OTOG: variants seen among roughly 807,000 people sequenced by gnomAD.
OTOG encodes the protein otogelin.
Under a neutral mutation model 313.8 loss-of-function variants are expected in OTOG, and 296 were observed. The observed-to-expected ratio is 0.94, with a 90% CI of 0.86 to 1.04. The LOEUF (loss-of-function observed/expected upper bound fraction) is 1.04. Ranked by LOEUF, OTOG falls within the 50% of genes least tolerant of loss-of-function variation. OTOG has a pLI of 0.00. For synonymous variants in OTOG, 1,533 were observed against 1,554.9 expected, an observed-to-expected ratio of 0.99 and a Z score of 0.33; for missense variants, 3,948 against 3,840.1, an observed-to-expected ratio of 1.03 and a Z score of -0.74.
Position 17,608,321 on chromosome 11 carries a change from C to T in OTOG, c.4182C>T (p.Tyr1394=). ...LLDAKPSGAA[Y]PICEWRYDAC... ...ATGCCAAGCCCTCGGGGGCTGCCTACCCCATCTGCGAGTGGCGCTACGATG... is the reference window on the plus strand; with the variant it reads ...ATGCCAAGCCCTCGGGGGCTGCCTATCCCATCTGCGAGTGGCGCTACGATG... The change falls in exon 34 of 56, where the codon TAC becomes TAT. Residue 1394 remains tyrosine (Y), a synonymous_variant. Coordinates refer to ENST00000399397, the MANE Select transcript of OTOG (RefSeq NM_001292063.2). The T allele has an allele frequency of 1.3e-6, 2 of 1,545,004 alleles. No homozygotes were observed. Among genetic ancestry groups the T allele is most frequent in the African/African-American group, 1.4e-5 (1 of 72,964 alleles).
chr11:17,576,406 C>T (rs1375958063), intron 20 of OTOG, 150 bp from the exon 21 acceptor site: 8 of 669,794 alleles, frequency 1.2e-5, no homozygotes, highest in Non-Finnish European at 1.9e-5. Flanking sequence ...TTTCTGCTCA[C>T]TGGAGATGTG....
intron 23 of OTOG, among the ~76,000 whole-genome samples, chr11:17,579,326 T>G (rs1247185266): frequency 6.6e-6 from 1 of 152,160 alleles, no homozygotes; most frequent in Non-Finnish European, 1.5e-5. Flanking sequence ...CAGTTGGAGC[T>G]TTACTGCTTC....
At chr11:17,595,441 A>G (rs942862137) in intron 28 of OTOG, among the ~76,000 whole-genome samples, 2 of 152,224 alleles carry the variant, frequency 1.3e-5, no homozygotes, top group Non-Finnish European at 2.9e-5. Flanking sequence ...GGCATTAAAC[A>G]ACACACATGT....
chr11:17,613,374 C>CCTTCCTTCCCTCCCTCCT (rs1565119211), intron 38 of OTOG, among the ~76,000 whole-genome samples: 29 of 74,718 alleles, frequency 3.9e-4, no homozygotes, highest in African/African-American at 1.4e-3. Flanking sequence ...CCTTCCTTCC[C>CCTTCCTTCCCTCCCTCCT]TCCTTCCTTC....
chr11:17,634,261 G>A lies in OTOG; in HGVS notation c.7460G>A (p.Cys2487Tyr). 1 of 1,550,454 alleles carries A rather than the reference G, an allele frequency of 6.4e-7. No homozygotes were observed. Among genetic ancestry groups the A allele is most frequent in the Non-Finnish European group, 8.7e-7 (1 of 1,146,892 alleles). The change falls in exon 44 of 56, where the codon TGC becomes TAC. Residue 2487 changes from cysteine to tyrosine, a missense_variant. Cys to Tyr is a radical substitution (Grantham distance 194). Coordinates refer to ENST00000399397, the MANE Select transcript of OTOG (RefSeq NM_001292063.2). ...TTGCTCCTACCCACCAAGGACCCCT[G>A]CTGCCTGGGGACTGTCTGTGGTGAG... ...VALLLPTKDP[C>Y]CLGTVCVCNQ... is the part of the protein sequence containing the mutation.
chr11:17,578,542 G>A lies in OTOG; in HGVS notation c.2759+16G>A, dbSNP rs776017373. ...GTCCCCAGGGGTAAGTACCCATGGT[G>A]TCGTGGGCCCGTGATCCTGAAGGCT... On this transcript the variant is annotated intron_variant, in intron 23 of 55. Transcript: ENST00000399397. 9 of 1,510,620 alleles carry A rather than the reference G, an allele frequency of 6.0e-6. No homozygotes were observed. The African/African-American group carries it at 8.3e-5, about 14-fold the overall frequency. The allele number at this position is 1,510,620 out of a possible 1,614,324, so 93.6% of individuals were successfully genotyped here. A position where few individuals can be genotyped will look rare whatever the true frequency, so the allele number is the denominator to read the frequency against.
chr11:17,578,133 G>T, intron 22 of OTOG: 1 of 647,302 alleles, frequency 1.5e-6, no homozygotes, highest in East Asian at 4.1e-5. Flanking sequence ...GGAGTAGTCT[G>T]GTATGGAGGA....
intron 42 of OTOG, among the ~76,000 whole-genome samples, chr11:17,633,071 A>G (rs763862026): frequency 2.5e-4 from 38 of 152,374 alleles, no homozygotes; most frequent in Admixed American, 1.0e-3. Context: ...AATCCTAAAT[A>G]CCCTTTGAAA....
chr11:17,590,342 C>A (rs116409292), intron 24 of OTOG, among the ~76,000 whole-genome samples: 2,210 of 152,334 alleles, frequency 0.015, 49 homozygotes, highest in African/African-American at 0.05. Context: ...GTTGCTCAGG[C>A]CAAAAAACCT....
chr11:17,597,585 A>G (rs1044648911), intron 30 of OTOG, among the ~76,000 whole-genome samples: 1 of 152,260 alleles, frequency 6.6e-6, no homozygotes, highest in Non-Finnish European at 1.5e-5. Context: ...CCTATCAAGT[A>G]AAATCATTTT....
chr11:17,622,625 C>A (rs999276041), intron 39 of OTOG, among the ~76,000 whole-genome samples: 2 of 152,140 alleles, frequency 1.3e-5, no homozygotes, highest in Non-Finnish European at 2.9e-5. Context: ...TCTGTGCCTG[C>A]TTATTTCATT....
At chr11:17,634,409 TG>T (rs1287225353) in intron 44 of OTOG, 128 bp downstream of exon 44, 2 of 1,057,042 alleles carry the variant, frequency 1.9e-6, no homozygotes, top group African/African-American at 3.2e-5. Flanking sequence ...GGGGTGAGCT[TG>T]GAGGAGGGGA....
chr11:17,574,330 G>GTA (rs1198564887), intron 19 of OTOG, among the ~76,000 whole-genome samples: 1 of 152,000 alleles, frequency 6.6e-6, no homozygotes, highest in Non-Finnish European at 1.5e-5. Context: ...GTGTGTGTGT[G>GTA]TGTCCACACA....
At chr11:17,569,067 G>A in intron 15 of OTOG, 89 bp from the exon 16 acceptor site, 4 of 1,431,204 alleles carry the variant, frequency 2.8e-6, no homozygotes, top group Non-Finnish European at 3.8e-6. Context: ...CTCTCAAGCT[G>A]GGCTGGGGTC....
chr11:17,627,385 T>G (rs1288062438), intron 39 of OTOG, among the ~76,000 whole-genome samples: 1 of 152,200 alleles, frequency 6.6e-6, no homozygotes, highest in African/African-American at 2.4e-5. Context: ...ATCATATGGT[T>G]TTTTTGTCCT....
Position 17,602,946 on chromosome 11 carries a change from G to A in OTOG, c.3877+569G>A, listed in dbSNP as rs191173943. ...CCCCAACTCAGTCTTAGAGTCAGGA[G>A]AGCCTTGTTAAAATAGAGGATGTTC... On this transcript the variant is annotated intron_variant, in intron 32 of 55. Coordinates refer to ENST00000399397, the MANE Select transcript of OTOG (RefSeq NM_001292063.2). Among the ~76,000 whole-genome samples the A allele has an allele frequency of 6.9e-4, 105 of 152,360 alleles. 1 individual carries two copies. The highest frequency in any genetic ancestry group is 1.2e-3 in the Non-Finnish European group (80 of 68,040).
At position 17,561,137 on chromosome 11, in the gene OTOG, G is replaced by C. The variant is rs1329847496; in HGVS notation, c.1498G>C (p.Ala500Pro). The change falls in exon 14 of 56, where the codon GCT (alanine) becomes CCT (proline). Residue 500 changes from alanine to proline, a missense_variant and splice_region_variant. Coordinates refer to ENST00000399397, the MANE Select transcript of OTOG (RefSeq NM_001292063.2). Reference sequence around the variant, plus strand: ...GGAGTGCAGCACAGCTGTCTGCCCAGGTATGTCTGCCCCCCACCTTGCACT... The same window carrying C: ...GGAGTGCAGCACAGCTGTCTGCCCACGTATGTCTGCCCCCCACCTTGCACT... ...KWECSTAVCP[A>P]ECSVTGDIHF... is the part of the protein sequence containing the mutation. The C allele has an allele frequency of 1.9e-6, 3 of 1,550,450 alleles. No homozygotes were observed. Among genetic ancestry groups the C allele is most frequent in the African/African-American group, 2.7e-5 (2 of 73,056 alleles).
chr11:17,597,818 G>A (rs113609939), intron 30 of OTOG, among the ~76,000 whole-genome samples: 2 of 152,174 alleles, frequency 1.3e-5, no homozygotes, highest in Non-Finnish European at 2.9e-5. Flanking sequence ...TTGCGCTCTG[G>A]GGTCAGACTG....
intron 23 of OTOG, among the ~76,000 whole-genome samples, chr11:17,581,527 G>C (rs1475849144): frequency 6.6e-6 from 1 of 152,220 alleles, no homozygotes; most frequent in Non-Finnish European, 1.5e-5. Context: ...CATCTTGGGA[G>C]TTTCTCAACA....
Sources: allele counts gnomAD v4.1 joint callset (sites outside exome capture counted in the v4.1 genomes callset), GRCh38; gene constraint gnomAD v4.1.1; transcripts MANE v1.5; gene names NCBI Gene and HGNC (gene_info 2026-07-23, HGNC 2026-07-21).